Variants in NUP42 observed in about 807,000 individuals in gnomAD.
The protein encoded by NUP42 is nucleoporin NUP42.
NUP42 carries 47 observed loss-of-function variants against 35.9 expected under a neutral mutation model. The ratio of observed to expected loss-of-function variants is 1.31; its 90% CI spans 1.04 to 1.67. The LOEUF (loss-of-function observed/expected upper bound fraction) is 1.67, where lower values mean the gene tolerates loss of function less well. Ranked by LOEUF, NUP42 falls within the 40% of genes most tolerant of loss-of-function variation. NUP42 has a pLI of 0.00. For missense variants in NUP42, 514 were observed against 492.2 expected, an observed-to-expected ratio of 1.04 and a Z score of -0.42; for synonymous variants, 173 against 173.3, an observed-to-expected ratio of 1.00 and a Z score of 0.01.
intron 3 of NUP42, chr7:23,188,049 G>A: frequency 7.0e-7 from 1 of 1,423,556 alleles, no homozygotes. Flanking sequence ...AGCCCTTTCT[G>A]GGCTGAAACC....
chr7:23,183,393 G>A lies in NUP42; in HGVS notation c.121+1187G>A, dbSNP rs978953369. ...CGCCACCATGCCCTTGATAATTTTT[G>A]TATTTTTAGTAGAGACAGGGTTTTG... On this transcript the variant is annotated intron_variant, in intron 1 of 6. Coordinates refer to ENST00000258742, the MANE Select transcript of NUP42 (RefSeq NM_007342.3). Among the ~76,000 whole-genome samples, 6 of 152,024 alleles carry A rather than the reference G, an allele frequency of 3.9e-5. No homozygotes were observed. In the East Asian group the frequency reaches 9.6e-4, roughly 24 times the overall value.
intron 5 of NUP42, among the ~76,000 whole-genome samples, chr7:23,197,996 C>T (rs1339025020): frequency 2.0e-5 from 3 of 152,018 alleles, no homozygotes; most frequent in East Asian, 1.9e-4. Context: ...CGCCTGTAAT[C>T]CCAGCACTTC....
At chr7:23,183,008 A>G (rs1185532125) in intron 1 of NUP42, among the ~76,000 whole-genome samples, 2 of 152,130 alleles carry the variant, frequency 1.3e-5, no homozygotes, top group Non-Finnish European at 2.9e-5. Context: ...TTTGGGGTGA[A>G]ATTGGGAATG....
chr7:23,199,125 T>C (rs924049681), intron 5 of NUP42, among the ~76,000 whole-genome samples: 1 of 152,190 alleles, frequency 6.6e-6, no homozygotes, highest in Admixed American at 6.5e-5. Context: ...TTTCTTCTCT[T>C]TTCTTTTTTT....
intron 3 of NUP42, among the ~76,000 whole-genome samples, chr7:23,192,786 A>G (rs995770342): frequency 2.0e-5 from 3 of 151,978 alleles, no homozygotes; most frequent in Admixed American, 1.3e-4. Context: ...TGACCTTTGA[A>G]CAGAACTGCA....
At chr7:23,182,523 G>A (rs1428444167) in intron 1 of NUP42, 8 of 1,082,960 alleles carry the variant, frequency 7.4e-6, no homozygotes, top group Middle Eastern at 4.2e-4. Context: ...TTTTTACTAA[G>A]TTGTTTTTTC....
chr7:23,183,399 T>G (rs956459843), intron 1 of NUP42, among the ~76,000 whole-genome samples: 1 of 152,138 alleles, frequency 6.6e-6, no homozygotes, highest in African/African-American at 2.4e-5. Flanking sequence ...TTTTGTATTT[T>G]TAGTAGAGAC....
In NUP42 at chr7:23,189,424, G is replaced by A. The variant is rs188629104; in HGVS notation, c.445+2278G>A. Among the ~76,000 whole-genome samples the A allele has an allele frequency of 3.9e-5, 6 of 152,268 alleles. No homozygotes were observed. The East Asian group carries it at 1.2e-3, about 29-fold the overall frequency. ...GAAGCCAGGGGTTTGAGACCACCTG[G>A]ACAATATAGCAAGACCTTGTCTCTA... On this transcript the variant is annotated intron_variant, in intron 3 of 6. Coordinates refer to ENST00000258742, the MANE Select transcript of NUP42 (RefSeq NM_007342.3).
At chr7:23,192,546 C>CAAAAAAAAAAAAAAAAAAAAA (rs200047613) in intron 3 of NUP42, among the ~76,000 whole-genome samples, 1 of 65,312 alleles carries the variant, frequency 1.5e-5, no homozygotes, top group African/African-American at 4.7e-5. Flanking sequence ...GACTTCATCT[C>CAAAAAAAAAAAAAAAAAAAAA]AAAAAAAAAA....
chr7:23,187,393 C>T (rs1411971736), intron 3 of NUP42: 5 of 286,810 alleles, frequency 1.7e-5, no homozygotes, highest in African/African-American at 1.1e-4. Context: ...AGAGACTCTA[C>T]GTTCTTGATT....
intron 5 of NUP42, among the ~76,000 whole-genome samples, chr7:23,198,978 T>C (rs758720890): frequency 6.6e-6 from 1 of 152,234 alleles, no homozygotes; most frequent in Non-Finnish European, 1.5e-5. Flanking sequence ...AACTTACTAA[T>C]GTACATTTTT....
intron 1 of NUP42, among the ~76,000 whole-genome samples, chr7:23,184,176 A>G (rs908403990): frequency 2.0e-5 from 3 of 152,236 alleles, no homozygotes; most frequent in African/African-American, 4.8e-5. Flanking sequence ...AACTACATGC[A>G]TTCTGTACAC....
At position 23,182,212 on chromosome 7, in the gene NUP42, TCTC is replaced by T. The variant is rs759207383; in HGVS notation, c.121+10_121+12del. The T allele has an allele frequency of 7.5e-6, 12 of 1,603,024 alleles. No individual in the cohort carries two copies. The South Asian group carries it at 1.1e-4, about 15-fold the overall frequency. On this transcript the variant is annotated splice_region_variant and intron_variant, in intron 1 of 6. Transcript: ENST00000258742. ...ACCGCAGCAGCAGCCTTCAGGTGACTCTCCTCTGAATCCTCCGCGGTAACCGAG... is the reference window on the plus strand; with the variant it reads ...ACCGCAGCAGCAGCCTTCAGGTGACTCTCTGAATCCTCCGCGGTAACCGAG...
At chr7:23,182,959 C>T (rs1785467227) in intron 1 of NUP42, among the ~76,000 whole-genome samples, 1 of 151,094 alleles carries the variant, frequency 6.6e-6, no homozygotes, top group East Asian at 1.9e-4. Flanking sequence ...TCTAATAAAA[C>T]CTATAGAGCC....
rs775445241 is a variant in NUP42, at chr7:23,196,694, A to T, written c.537A>T (p.Gln179His). 2 of 1,610,696 alleles carry T rather than the reference A, an allele frequency of 1.2e-6. No homozygotes were observed. Among genetic ancestry groups the T allele is most frequent in the Non-Finnish European group, 1.7e-6 (2 of 1,177,208 alleles). Residue 179 changes from glutamine (Q) to histidine (H), a missense_variant, in exon 5 of 7, where the codon CAA becomes CAT. Coordinates refer to ENST00000258742, the MANE Select transcript of NUP42 (RefSeq NM_007342.3). ...TCCGTTTTCAGCTAAATTCTGTCCA[A>T]CGTTTAATAAATCAATGGAGGAACA... ...NNLQSYLNSV[Q>H]RLINQWRNRV...
In NUP42 at chr7:23,200,735, T is replaced by A; in HGVS notation, c.1262T>A (p.Leu421Gln). ...IPLKPPPLEL[L>Q]NV ...TTAAAGCCTCCACCTCTGGAACTTC[T>A]AAATGTTTAAAAGGGCAATTTTAAA... The change falls in exon 7 of 7, where the codon CTA (leucine) becomes CAA (glutamine). Residue 421 changes from leucine to glutamine, a missense_variant. By Grantham distance (113) the Leu-to-Gln change is moderately radical. Coordinates refer to ENST00000258742, the MANE Select transcript of NUP42 (RefSeq NM_007342.3). 6.4e-7 allele frequency: 1 copy of A among 1,571,290 alleles called. No homozygotes were observed.
Position 23,200,616 on chromosome 7 carries a change from A to G in NUP42, c.1143A>G (p.Ala381=). ...TSLSASSSII[A]TDNVLFTPRD... is the part of the protein sequence containing the mutation. Reference sequence around the variant, plus strand: ...TGTCAGCCTCAAGCAGCATCATTGCAACAGATAATGTGTTATTCACACCCA... The same window carrying G: ...TGTCAGCCTCAAGCAGCATCATTGCGACAGATAATGTGTTATTCACACCCA... The change falls in exon 7 of 7, where the codon GCA becomes GCG. Residue 381 remains alanine (A), a synonymous_variant. Coordinates refer to ENST00000258742, the MANE Select transcript of NUP42 (RefSeq NM_007342.3). 6.2e-7 allele frequency: 1 copy of G among 1,614,192 alleles called. No individual in the cohort carries two copies. The highest frequency in any genetic ancestry group is 8.5e-7 in the Non-Finnish European group (1 of 1,180,020).
rs1456953987 is a variant in NUP42 at position 23,185,173 on chromosome 7, A to G, written c.225A>G (p.Gln75=). 4 of 1,614,104 alleles carry G rather than the reference A, an allele frequency of 2.5e-6. No individual in the cohort carries two copies. The South Asian group carries it at 3.3e-5, about 13-fold the overall frequency. The part of the protein sequence containing the change: ...KSTPWGGSRD[Q]EKPYFSSFDS... Reference sequence around the variant, plus strand: ...CACCATGGGGGGGCAGCAGAGATCAAGAAAAGCCATATTTCAGTTCTTTTG... The same window carrying G: ...CACCATGGGGGGGCAGCAGAGATCAGGAAAAGCCATATTTCAGTTCTTTTG... The change falls in exon 2 of 7, where the codon CAA becomes CAG. Residue 75 remains glutamine, a synonymous_variant. Transcript: ENST00000258742.
At chr7:23,196,575 A>C in intron 4 of NUP42, 105 bp from the exon 5 acceptor site, 2 of 827,772 alleles carry the variant, frequency 2.4e-6, no homozygotes, top group Non-Finnish European at 3.9e-6. Flanking sequence ...AAACTGTTAC[A>C]TAAACCTTTT....
Sources: allele counts gnomAD v4.1 joint callset (sites outside exome capture counted in the v4.1 genomes callset), GRCh38; gene constraint gnomAD v4.1.1; transcripts MANE v1.5; gene names NCBI Gene and HGNC (gene_info 2026-07-23, HGNC 2026-07-21).